IFT88: variants seen among roughly 807,000 people sequenced by gnomAD.
IFT88 encodes the protein intraflagellar transport 88.
A neutral mutation model predicts 119.5 loss-of-function variants in IFT88; 74 were observed. The ratio of observed to expected loss-of-function variants is 0.62; its 90% confidence interval spans 0.51 to 0.75. The LOEUF (loss-of-function observed/expected upper bound fraction) is 0.75. Among genes scored for constraint, IFT88 ranks in the 30% least tolerant of loss-of-function variants. The pLI is 0.00. For missense variants in IFT88, 961 were observed against 977.7 expected (o/e 0.98, Z 0.23); for synonymous variants, 279 against 316.7 (o/e 0.88, Z 1.26).
In IFT88 at chr13:20,691,433, CACA is replaced by C. The variant is rs2058451467; in HGVS notation, c.*261_*263del. The C allele has an allele frequency of 6.3e-6, 2 of 314,986 alleles. No individual in the cohort carries two copies. The highest frequency in any genetic ancestry group is 1.2e-5 in the Non-Finnish European group (2 of 170,312). 19.5% of individuals were successfully genotyped at this position (314,986 alleles called of 1,614,324 possible). A position where few individuals can be genotyped will look rare whatever the true frequency, so the allele number is the denominator to read the frequency against. ...ACACAGGAAGAAATAAATTTCATAA[CACA>C]ACCTAGTACATATATGTGTATGTAG... On this transcript the variant is annotated 3_prime_UTR_variant, in exon 26 of 26. Coordinates refer to ENST00000351808, the MANE Select transcript of IFT88 (RefSeq NM_006531.5).
At chr13:20,635,783 T>G (rs984579065) in intron 16 of IFT88, among the ~76,000 whole-genome samples, 1 of 152,002 alleles carries the variant, frequency 6.6e-6, no homozygotes, top group African/African-American at 2.4e-5. Flanking sequence ...ATACAGGGCT[T>G]AAAACCTAGA....
At chr13:20,640,192 T>C (rs529164759) in intron 17 of IFT88, among the ~76,000 whole-genome samples, 1 of 152,322 alleles carries the variant, frequency 6.6e-6, no homozygotes, top group East Asian at 1.9e-4. Flanking sequence ...TTCTGTATTT[T>C]CTTTTCATAC....
intron 2 of IFT88, among the ~76,000 whole-genome samples, chr13:20,579,799 C>G (rs2038180513): frequency 6.6e-6 from 1 of 152,196 alleles, no homozygotes; most frequent in Non-Finnish European, 1.5e-5. Context: ...TCACCCAAGT[C>G]CCACTGTATG....
At chr13:20,575,429 T>C (rs1448556900) in intron 2 of IFT88, among the ~76,000 whole-genome samples, 4 of 152,200 alleles carry the variant, frequency 2.6e-5, no homozygotes, top group East Asian at 3.8e-4. Context: ...AGTGCAGATA[T>C]CTTTTTGATA....
chr13:20,634,802 ATTTTT>A (rs34571895), intron 16 of IFT88, among the ~76,000 whole-genome samples: 2 of 147,514 alleles, frequency 1.4e-5, no homozygotes, highest in Non-Finnish European at 3.0e-5. Context: ...AGATTTCTTT[ATTTTT>A]TTTTTTTATA....
At chr13:20,689,924 G>A (rs537896894) in intron 24 of IFT88, among the ~76,000 whole-genome samples, 3 of 152,286 alleles carry the variant, frequency 2.0e-5, no homozygotes, top group Non-Finnish European at 4.4e-5. Flanking sequence ...ACTAAAGTGT[G>A]TAGACATATT....
intron 16 of IFT88, among the ~76,000 whole-genome samples, chr13:20,635,433 C>T (rs1268155472): frequency 6.6e-6 from 1 of 152,184 alleles, no homozygotes. Context: ...AGTCACTATC[C>T]TTAATGATTC....
At chr13:20,598,902 A>C in intron 10 of IFT88, 149 bp downstream of exon 10, 3 of 515,486 alleles carry the variant, frequency 5.8e-6, no homozygotes, top group Non-Finnish European at 1.0e-5. Context: ...TAAACATACT[A>C]TTTATATAAA....
At chr13:20,597,675 C>T (rs1157430572) in intron 9 of IFT88, among the ~76,000 whole-genome samples, 13 of 150,688 alleles carry the variant, frequency 8.6e-5, no homozygotes, top group South Asian at 2.1e-4. Context: ...ACCCGGGAGG[C>T]GGAGCTTGCG....
At chr13:20,604,584 A>G (rs532335243) in intron 12 of IFT88, among the ~76,000 whole-genome samples, 1 of 152,210 alleles carries the variant, frequency 6.6e-6, no homozygotes, top group Non-Finnish European at 1.5e-5. Context: ...AGAAAGTTCT[A>G]ATTTACATAA....
intron 14 of IFT88, among the ~76,000 whole-genome samples, chr13:20,621,367 G>A (rs763033948): frequency 4.0e-5 from 6 of 151,844 alleles, no homozygotes; most frequent in Middle Eastern, 3.2e-3. Flanking sequence ...ATGCCCGGCC[G>A]AGTTTATGGT....
intron 18 of IFT88, chr13:20,642,555 G>C (rs1006320162): frequency 2.0e-5 from 3 of 152,390 alleles, no homozygotes; most frequent in African/African-American, 7.2e-5. Context: ...AGTGAGCCAA[G>C]ATAGTGCCAC....
chr13:20,633,153 G>A (rs2140137611), intron 16 of IFT88, among the ~76,000 whole-genome samples: 1 of 152,286 alleles, frequency 6.6e-6, no homozygotes, highest in African/African-American at 2.4e-5. Context: ...TAGACAGAAG[G>A]TGTATTAGTC....
intron 20 of IFT88, among the ~76,000 whole-genome samples, chr13:20,648,670 T>C (rs2051115815): frequency 6.6e-6 from 1 of 152,104 alleles, no homozygotes; most frequent in African/African-American, 2.4e-5. Context: ...AATCCTTCTG[T>C]GTCAATAATC....
chr13:20,625,286 G>A (rs968334207), intron 14 of IFT88, among the ~76,000 whole-genome samples: 1 of 152,132 alleles, frequency 6.6e-6, no homozygotes, highest in African/African-American at 2.4e-5. Flanking sequence ...ATTAATGCTT[G>A]TAGAGCAATT....
At chr13:20,591,793 A>T (rs946042513) in intron 6 of IFT88, 112 bp downstream of exon 6, 3 of 698,136 alleles carry the variant, frequency 4.3e-6, no homozygotes, top group Non-Finnish European at 7.1e-6. Context: ...GCCATTGATT[A>T]TAAGATGCAC....
chr13:20,656,342 A>G (rs1253464645), intron 21 of IFT88, 23 bp from the exon 22 acceptor site: 1 of 1,111,968 alleles, frequency 9.0e-7, no homozygotes, highest in East Asian at 2.5e-5. Context: ...TTGCTAATAT[A>G]TTTTTCTCTT....
At chr13:20,654,858 A>G (rs192057130) in intron 21 of IFT88, among the ~76,000 whole-genome samples, 2 of 152,330 alleles carry the variant, frequency 1.3e-5, no homozygotes, top group Admixed American at 1.3e-4. Flanking sequence ...GTATATATAT[A>G]CATATGAACT....
intron 13 of IFT88, among the ~76,000 whole-genome samples, chr13:20,611,330 C>A (rs932596464): frequency 4.0e-5 from 6 of 151,402 alleles, no homozygotes; most frequent in African/African-American, 1.2e-4. Flanking sequence ...AGACTAAATG[C>A]TAGCCTGGGC....
Sources: allele counts gnomAD v4.1 joint callset (sites outside exome capture counted in the v4.1 genomes callset), GRCh38; gene constraint gnomAD v4.1.1; transcripts MANE v1.5; gene names NCBI Gene and HGNC (gene_info 2026-07-23, HGNC 2026-07-21).